Variants in CROT observed in about 807,000 individuals in gnomAD.
CROT encodes the protein peroxisomal carnitine O-octanoyltransferase.
CROT carries 84 observed loss-of-function variants against 89.2 expected under a neutral mutation model. The observed-to-expected ratio is 0.94, with a 90% CI of 0.79 to 1.13. The LOEUF (loss-of-function observed/expected upper bound fraction) is 1.13, where lower values mean the gene tolerates loss of function less well. CROT is among the 50% of genes most tolerant of loss of function. CROT has a pLI of 0.00. For synonymous variants in CROT, 212 were observed against 239.5 expected (o/e 0.89, Z 1.06); for missense variants, 711 against 727.8 (o/e 0.98, Z 0.27).
intron 10 of CROT, among the ~76,000 whole-genome samples, chr7:87,381,572 G>A (rs31629): frequency 0.86 from 131,629 of 152,190 alleles, 57,105 homozygotes; most frequent in Middle Eastern, 0.94. Context: ...GAACATCTTC[G>A]TGTTGCATAT....
rs902874378 is a variant in CROT at position 87,346,345 on chromosome 7, G to A, written c.-107G>A. On this transcript the variant is annotated 5_prime_UTR_variant, in exon 2 of 18. Transcript: ENST00000331536. Reference sequence around the variant, plus strand: ...TTGTTTCTTTCTTCCCACAGTCACCGACTTAGTCCAGTTCCCTGTGATCTC... The same window carrying A: ...TTGTTTCTTTCTTCCCACAGTCACCAACTTAGTCCAGTTCCCTGTGATCTC... 6.6e-6 allele frequency: 1 copy of A among 152,060 alleles called. No homozygotes were observed. The highest frequency in any genetic ancestry group is 6.6e-5 in the Admixed American group (1 of 15,260). 9.4% of individuals were successfully genotyped at this position (152,060 alleles called of 1,614,324 possible). A position where few individuals can be genotyped will look rare whatever the true frequency, so the allele number is the denominator to read the frequency against.
chr7:87,385,777 C>A (rs1360120185), intron 13 of CROT, among the ~76,000 whole-genome samples: 1 of 152,114 alleles, frequency 6.6e-6, no homozygotes, highest in East Asian at 1.9e-4. Context: ...GAAAGTCTTG[C>A]AATTTTTCCA....
rs757079195 is a variant in CROT, at chr7:87,392,825, T to C, written c.1598+2T>C. 10 of 1,612,562 alleles carry C rather than the reference T, an allele frequency of 6.2e-6. No homozygotes were observed. Among genetic ancestry groups the C allele is most frequent in the Admixed American group, 5.0e-5 (3 of 59,798 alleles). On this transcript the variant is annotated splice_donor_variant, in intron 16 of 17. Coordinates refer to ENST00000331536, the MANE Select transcript of CROT (RefSeq NM_021151.4). LOFTEE classifies it high-confidence loss of function. ...TACGGACCCACTTTTTTCCAAAAGG[T>C]AATATAGTGTAGTGTTTTACAGCTT...
intron 10 of CROT, 82 bp from the exon 11 acceptor site, chr7:87,381,828 G>A: frequency 1.1e-6 from 1 of 899,384 alleles, no homozygotes; most frequent in South Asian, 1.7e-5. Context: ...TGTTAAGAAT[G>A]GACACAAAGT....
At chr7:87,349,226 C>T (rs918086998) in intron 3 of CROT, 43 bp downstream of exon 3, 11 of 959,006 alleles carry the variant, frequency 1.1e-5, no homozygotes, top group Middle Eastern at 3.4e-4. Flanking sequence ...TTATTAGTAA[C>T]TTAGAAAACT....
At chr7:87,389,788 A>G (rs1395772684) in intron 13 of CROT, among the ~76,000 whole-genome samples, 2 of 150,740 alleles carry the variant, frequency 1.3e-5, no homozygotes, top group South Asian at 4.3e-4. Context: ...AAATTCTGCA[A>G]AGCCTTCAAA....
intron 7 of CROT, among the ~76,000 whole-genome samples, chr7:87,371,245 A>AT (rs1231696812): frequency 1.3e-5 from 2 of 152,084 alleles, no homozygotes; most frequent in Admixed American, 6.6e-5. Context: ...GAGTTAATTG[A>AT]TTTTTTTGTT....
intron 10 of CROT, among the ~76,000 whole-genome samples, chr7:87,380,016 T>TG (rs1488405018): frequency 6.6e-6 from 1 of 151,928 alleles, no homozygotes; most frequent in African/African-American, 2.4e-5. Flanking sequence ...GAGGCTGAGG[T>TG]GGGAGGATCA....
intron 3 of CROT, chr7:87,354,302 AG>A: frequency 2.0e-6 from 1 of 500,924 alleles, no homozygotes; most frequent in Non-Finnish European, 4.0e-6. Context: ...GTTACCAAAA[AG>A]GCAAAGAAAA....
Position 87,391,694 on chromosome 7 carries a change from G to T in CROT, c.1407G>T (p.Met469Ile). Residue 469 changes from methionine to isoleucine, a missense_variant, in exon 14 of 18, where the codon ATG becomes ATT. Physicochemically the swap from Met to Ile is conservative, Grantham distance 10. Transcript: ENST00000331536. The stretch of plus-strand genomic sequence containing the variant: ...AAGCAGTGAGGTGGTGCCAGTCCAT[G>T]CAGGATCCTTCTGTCAATGTGAGTA... The part of the protein sequence containing the change: ...TVEAVRWCQS[M>I]QDPSVNLRER... 1 of 1,609,408 alleles carries T rather than the reference G, an allele frequency of 6.2e-7. No individual in the cohort carries two copies. Among genetic ancestry groups the T allele is most frequent in the Non-Finnish European group, 8.5e-7 (1 of 1,178,354 alleles).
intron 4 of CROT, 50 bp from the exon 5 acceptor site, chr7:87,361,340 C>T: frequency 6.8e-7 from 1 of 1,478,164 alleles, no homozygotes; most frequent in African/African-American, 1.4e-5. Flanking sequence ...AGTAGTTACA[C>T]ATTCATGTAT....
Position 87,391,772 on chromosome 7 carries a change from G to A in CROT, c.1425+60G>A, listed in dbSNP as rs763908707. 4 of 1,527,186 alleles carry A rather than the reference G, an allele frequency of 2.6e-6. No individual in the cohort carries two copies. The African/African-American group carries it at 5.7e-5, about 22-fold the overall frequency. The allele number at this position is 1,527,186 out of a possible 1,614,324, so 94.6% of individuals were successfully genotyped here. A position where few individuals can be genotyped will look rare whatever the true frequency, so the allele number is the denominator to read the frequency against. ...TGTTTAATTGTTCTAAAGGAACCGT[G>A]GTCTTTGAGTAACTAACTTCTTTGC... On this transcript the variant is annotated intron_variant, in intron 14 of 17. Transcript: ENST00000331536.
chr7:87,354,272 C>CATAGG (rs2115807706), intron 3 of CROT: 1 of 463,062 alleles, frequency 2.2e-6, no homozygotes, highest in South Asian at 1.6e-5. Flanking sequence ...AGGAATTATA[C>CATAGG]AATCTTGTTT....
chr7:87,381,280 A>G lies in CROT; in HGVS notation c.979-630A>G, dbSNP rs903943164. Among the ~76,000 whole-genome samples the G allele has an allele frequency of 3.3e-5, 5 of 152,220 alleles. No individual in the cohort carries two copies. The East Asian group carries it at 9.6e-4, about 29-fold the overall frequency. ...AATGCGGGCAAAAACTTTGTTCTTC[A>G]AAATAGATGATGGGAAAATTCACTA... is the stretch of plus-strand genomic sequence containing the variant. On this transcript the variant is annotated intron_variant, in intron 10 of 17. Transcript: ENST00000331536.
intron 3 of CROT, chr7:87,357,493 A>G (rs146488028): frequency 6.4e-6 from 10 of 1,551,708 alleles, no homozygotes; most frequent in Non-Finnish European, 8.7e-6. Flanking sequence ...TCTCATCCTA[A>G]TGTCCCTTTG....
chr7:87,361,760 C>A lies in CROT; in HGVS notation c.455C>A (p.Thr152Asn), dbSNP rs763518234. The A allele has an allele frequency of 1.9e-6, 3 of 1,600,054 alleles. No individual in the cohort carries two copies. The highest frequency in any genetic ancestry group is 1.7e-6 in the Non-Finnish European group (2 of 1,174,778). The change falls in exon 6 of 18, where the codon ACT (threonine) becomes AAT (asparagine). Residue 152 changes from threonine (T) to asparagine (N), a missense_variant. Transcript: ENST00000331536. ...GTGCCTGTTCATAAAGTTGGAAATACTCCTCTAGATATGAATCAATTCCGA... is the reference window on the plus strand; with the variant it reads ...GTGCCTGTTCATAAAGTTGGAAATAATCCTCTAGATATGAATCAATTCCGA... ...EKVPVHKVGN[T>N]PLDMNQFRML...
At chr7:87,373,503 G>C (rs1806705524) in intron 7 of CROT, among the ~76,000 whole-genome samples, 1 of 151,884 alleles carries the variant, frequency 6.6e-6, no homozygotes, top group Admixed American at 6.6e-5. Flanking sequence ...CCTAATCTGA[G>C]GACATGAAGA....
chr7:87,380,122 TAAG>T (rs1806942950), intron 10 of CROT, among the ~76,000 whole-genome samples: 1 of 151,996 alleles, frequency 6.6e-6, no homozygotes, highest in Admixed American at 6.6e-5. Flanking sequence ...AAAATAATAA[TAAG>T]AAGAAAAATA....
intron 7 of CROT, among the ~76,000 whole-genome samples, chr7:87,372,452 T>C (rs2115906416): frequency 6.6e-6 from 1 of 152,354 alleles, no homozygotes; most frequent in East Asian, 1.9e-4. Flanking sequence ...GCTTATTAAT[T>C]GGATTATTCA....
Sources: allele counts gnomAD v4.1 joint callset (sites outside exome capture counted in the v4.1 genomes callset), GRCh38; gene constraint gnomAD v4.1.1; transcripts MANE v1.5; gene names NCBI Gene and HGNC (gene_info 2026-07-23, HGNC 2026-07-21).